The following MTDH variants were observed in gnomAD, a reference collection of about 807,000 sequenced individuals.
The protein encoded by MTDH is metadherin.
Under a neutral mutation model 72.7 loss-of-function variants are expected in MTDH, and 34 were observed. The ratio of observed to expected loss-of-function variants is 0.47; its 90% CI spans 0.36 to 0.62. MTDH has a LOEUF of 0.62. MTDH is among the 20% of genes least tolerant of loss of function. MTDH has a pLI of 0.00. For synonymous variants in MTDH, 266 were observed against 268.9 expected, an observed-to-expected ratio of 0.99 and a Z score of 0.10; for missense variants, 677 against 699.4, an observed-to-expected ratio of 0.97 and a Z score of 0.36.
At chr8:97,670,121 C>T (rs1205878477) in intron 2 of MTDH, among the ~76,000 whole-genome samples, 2 of 152,002 alleles carry the variant, frequency 1.3e-5, no homozygotes, top group East Asian at 3.9e-4. Flanking sequence ...TTGAGACCAG[C>T]TTGGGCAACA....
chr8:97,713,798 T>A (rs1814732116), intron 9 of MTDH, 29 bp downstream of exon 9: 1 of 1,351,738 alleles, frequency 7.4e-7, no homozygotes, highest in African/African-American at 1.5e-5. Flanking sequence ...AAGCATTCAT[T>A]AAGCGCCTCC....
At chr8:97,691,982 C>T (rs1041667338) in intron 6 of MTDH, among the ~76,000 whole-genome samples, 6 of 152,062 alleles carry the variant, frequency 3.9e-5, no homozygotes, top group African/African-American at 1.2e-4. Context: ...CGGGTTCAAG[C>T]GATTCTCCTA....
intron 2 of MTDH, among the ~76,000 whole-genome samples, chr8:97,680,229 T>A (rs771041752): frequency 2.0e-5 from 3 of 152,124 alleles, no homozygotes; most frequent in African/African-American, 4.8e-5. Context: ...TGCACCACCA[T>A]GCCCAGCTAA....
intron 2 of MTDH, among the ~76,000 whole-genome samples, chr8:97,685,278 CATGTTA>C (rs1162847876): frequency 1.3e-5 from 2 of 151,620 alleles, no homozygotes; most frequent in African/African-American, 2.4e-5. Flanking sequence ...ATTAAACATA[CATGTTA>C]ATGATAATGA....
intron 1 of MTDH, 140 bp downstream of exon 1, chr8:97,645,027 A>G (rs1586192104): frequency 1.1e-6 from 1 of 927,320 alleles, no homozygotes; most frequent in South Asian, 2.1e-5. Flanking sequence ...CAAGTGGAGG[A>G]GGAGGTGATA....
chr8:97,657,203 G>C (rs1002977177), intron 1 of MTDH, among the ~76,000 whole-genome samples: 2 of 152,120 alleles, frequency 1.3e-5, no homozygotes, highest in African/African-American at 4.8e-5. Context: ...ATTATAACAA[G>C]AAGGTAAACA....
At chr8:97,703,838 C>G (rs992010050) in intron 7 of MTDH, among the ~76,000 whole-genome samples, 7 of 152,174 alleles carry the variant, frequency 4.6e-5, no homozygotes, top group Non-Finnish European at 1.0e-4. Context: ...ACTGCATTGC[C>G]ATGAATTGCT....
At chr8:97,672,003 A>ATAAG (rs774032181) in intron 2 of MTDH, among the ~76,000 whole-genome samples, 52 of 152,300 alleles carry the variant, frequency 3.4e-4, no homozygotes, top group Middle Eastern at 3.4e-3. Flanking sequence ...TTAAACAAGT[A>ATAAG]TAAGCTAAAA....
At chr8:97,720,618 T>C (rs974249506) in intron 10 of MTDH, among the ~76,000 whole-genome samples, 3 of 150,310 alleles carry the variant, frequency 2.0e-5, no homozygotes, top group African/African-American at 4.9e-5. Flanking sequence ...TGTGTGTGTG[T>C]ATAATAAATA....
chr8:97,665,392 AT>A (rs1167366044), intron 2 of MTDH, among the ~76,000 whole-genome samples: 1 of 152,226 alleles, frequency 6.6e-6, no homozygotes, highest in African/African-American at 2.4e-5. Flanking sequence ...ACATAGGACG[AT>A]TAGCCAGACT....
At position 97,687,658 on chromosome 8, in the gene MTDH, C is replaced by T. The variant is rs1387062538; in HGVS notation, c.745+53C>T. 13 of 1,398,524 alleles carry T rather than the reference C, an allele frequency of 9.3e-6. 1 individual carries two copies. The highest frequency in any genetic ancestry group is 1.9e-4 in the Middle Eastern group (1 of 5,354). The allele number at this position is 1,398,524 out of a possible 1,614,324, so 86.6% of individuals were successfully genotyped here. On this transcript the variant is annotated intron_variant, in intron 4 of 11. Transcript: ENST00000336273. ...TACATCAAATCAAACTCCTTTTATT[C>T]GGATGTACAAAATATCATTATGTCA...
In MTDH at chr8:97,656,301, C is replaced by CTT. The variant is rs34020581; in HGVS notation, c.382-4750_382-4749dup. ...CAAATGACATCTGTTATTAAGCATACTTTTTTTTTTTTTTTTTTTTTTGAG... is the reference window on the plus strand; with the variant it reads ...CAAATGACATCTGTTATTAAGCATACTTTTTTTTTTTTTTTTTTTTTTTTGAG... On this transcript the variant is annotated intron_variant, in intron 1 of 11. Coordinates refer to ENST00000336273, the MANE Select transcript of MTDH (RefSeq NM_178812.4). Among the ~76,000 whole-genome samples the CTT allele has an allele frequency of 1.6e-3, 186 of 117,892 alleles. 1 individual carries two copies. The highest frequency in any genetic ancestry group is 7.3e-3 in the East Asian group (30 of 4,098). The allele number at this position is 117,892 out of a possible 152,430, so 77.3% of individuals were successfully genotyped here. A position where few individuals can be genotyped will look rare whatever the true frequency, so the allele number is the denominator to read the frequency against.
chr8:97,724,414 TGAAAG>T (rs1000619960), intron 11 of MTDH, among the ~76,000 whole-genome samples, 181 bp from the exon 12 acceptor site: 4 of 152,150 alleles, frequency 2.6e-5, no homozygotes, highest in African/African-American at 4.8e-5. Context: ...ATAATACCAT[TGAAAG>T]GAAAGGAGGG....
intron 2 of MTDH, among the ~76,000 whole-genome samples, chr8:97,681,496 T>C (rs922400205): frequency 1.3e-4 from 19 of 148,348 alleles, no homozygotes; most frequent in South Asian, 8.5e-4. Context: ...TTTTTCTTTT[T>C]TTTTTTTTTT....
chr8:97,673,700 T>C (rs1443405144), intron 2 of MTDH, among the ~76,000 whole-genome samples: 17 of 149,536 alleles, frequency 1.1e-4, no homozygotes, highest in Non-Finnish European at 1.0e-4. Flanking sequence ...ATTGGCCGGG[T>C]GCAGTGGCTC....
At chr8:97,714,068 A>C (rs886093040) in intron 9 of MTDH, among the ~76,000 whole-genome samples, 2 of 152,200 alleles carry the variant, frequency 1.3e-5, no homozygotes, top group Admixed American at 6.5e-5. Flanking sequence ...TTACACATAC[A>C]AAAATTCCTT....
At chr8:97,675,305 A>G (rs1244953272) in intron 2 of MTDH, among the ~76,000 whole-genome samples, 4 of 152,198 alleles carry the variant, frequency 2.6e-5, no homozygotes, top group Non-Finnish European at 5.9e-5. Context: ...TCACACCTGT[A>G]ATCCCAGCAC....
At chr8:97,679,244 A>T (rs1270882370) in intron 2 of MTDH, among the ~76,000 whole-genome samples, 5 of 152,204 alleles carry the variant, frequency 3.3e-5, no homozygotes, top group Non-Finnish European at 7.4e-5. Context: ...TATAAACCAG[A>T]TGTAAAATTT....
At chr8:97,722,531 G>C (rs534034659) in intron 10 of MTDH, among the ~76,000 whole-genome samples, 1 of 152,200 alleles carries the variant, frequency 6.6e-6, no homozygotes, top group Non-Finnish European at 1.5e-5. Context: ...GAACCCGGGA[G>C]GCGGAGGTTG....
Sources: gnomAD v4.1 joint callset for allele counts (sites outside exome capture counted in the v4.1 genomes callset) on GRCh38, gnomAD v4.1.1 for gene constraint, MANE v1.5 for transcripts, NCBI Gene and HGNC (gene_info 2026-07-23, HGNC 2026-07-21) for gene names.